The following CD99L2 variants were observed in gnomAD, a reference collection of about 807,000 sequenced individuals.
The protein encoded by CD99L2 is CD99 antigen-like protein 2.
Under a neutral mutation model 27.3 loss-of-function variants are expected in CD99L2, and 24 were observed. The ratio of observed to expected loss-of-function variants is 0.88; its 90% CI spans 0.64 to 1.24. The LOEUF (loss-of-function observed/expected upper bound fraction) is 1.24, where lower values mean the gene tolerates loss of function less well. CD99L2 is among the 50% of genes most tolerant of loss of function. The pLI, the probability that CD99L2 is intolerant of heterozygous loss-of-function variation, is 0.00. For missense variants in CD99L2, 255 were observed against 221.6 expected, an observed-to-expected ratio of 1.15 and a Z score of -0.96; for synonymous variants, 97 against 87.9, an observed-to-expected ratio of 1.10 and a Z score of -0.58.
At chrX:150,781,500 G>A (rs1354251468) in intron 7 of CD99L2, among the ~76,000 whole-genome samples, 4 of 111,520 alleles carry the variant, frequency 3.6e-5, no homozygotes, top group Admixed American at 9.5e-5. Flanking sequence ...GGTCACTGGC[G>A]GACTCTTCAG....
intron 4 of CD99L2, among the ~76,000 whole-genome samples, chrX:150,800,828 T>C (rs1459362803): frequency 9.0e-6 from 1 of 110,818 alleles, no homozygotes; most frequent in Non-Finnish European, 1.9e-5. Context: ...AGTCAGGAGT[T>C]CGAGATCAGC....
At chrX:150,866,625 G>A (rs114738003) in intron 1 of CD99L2, among the ~76,000 whole-genome samples, 2,837 of 111,581 alleles carry the variant, frequency 0.025, 101 homozygotes, top group African/African-American at 0.089. Context: ...GAAAGATTAA[G>A]TTCTACTATT....
At chrX:150,783,309 C>CTA (rs1248531462) in intron 7 of CD99L2, among the ~76,000 whole-genome samples, 3 of 110,042 alleles carry the variant, frequency 2.7e-5, no homozygotes, top group African/African-American at 6.7e-5. Context: ...ATCTCTCTCT[C>CTA]TATATATATA....
chrX:150,854,069 G>A (rs986399899), intron 1 of CD99L2, among the ~76,000 whole-genome samples: 2 of 111,108 alleles, frequency 1.8e-5, no homozygotes, highest in Non-Finnish European at 3.8e-5. Context: ...AACACCAGGT[G>A]TAATATCATC....
In CD99L2 at chrX:150,820,055, T is replaced by C. The variant is rs142096036; in HGVS notation, c.131-3977A>G. 2.5e-3 allele frequency among the ~76,000 whole-genome samples: 273 copies of C among 111,231 alleles called. 3 individuals carry two copies. Among genetic ancestry groups the C allele is most frequent in the African/African-American group, 8.0e-3 (244 of 30,622 alleles). On this transcript the variant is annotated intron_variant, in intron 2 of 10. Coordinates refer to ENST00000370377, the MANE Select transcript of CD99L2 (RefSeq NM_031462.4). The stretch of plus-strand genomic sequence containing the variant: ...AATACCGAAGTCAGACAAATACACA[T>C]AAAAACTACAGAATACAGTTATGAA...
At chrX:150,791,297 T>C (rs1455647256) in intron 7 of CD99L2, among the ~76,000 whole-genome samples, 4 of 111,978 alleles carry the variant, frequency 3.6e-5, no homozygotes, top group Non-Finnish European at 7.5e-5. Flanking sequence ...AGTAGCGATA[T>C]ACCACTAAGC....
intron 7 of CD99L2, among the ~76,000 whole-genome samples, chrX:150,787,902 A>AAAAG (rs1557419601): frequency 1.4e-5 from 1 of 70,831 alleles, no homozygotes; most frequent in East Asian, 3.3e-4. Flanking sequence ...ATATATATAT[A>AAAAG]TATATATATA....
chrX:150,771,957 G>A (rs1479633940), intron 9 of CD99L2: 1 of 672,741 alleles, frequency 1.5e-6, no homozygotes, highest in Admixed American at 2.9e-5. Context: ...CAGCAGCAGA[G>A]GCCGAGAGCA....
chrX:150,803,953 C>T (rs1246014701), intron 4 of CD99L2, among the ~76,000 whole-genome samples: 1 of 112,161 alleles, frequency 8.9e-6, no homozygotes, highest in African/African-American at 3.2e-5. Flanking sequence ...CTGTAAAAGA[C>T]CTGTTTAAGA....
At chrX:150,882,972 G>A (rs1199230004) in intron 1 of CD99L2, among the ~76,000 whole-genome samples, 3 of 111,153 alleles carry the variant, frequency 2.7e-5, no homozygotes, top group East Asian at 2.8e-4. Flanking sequence ...AGGAGTTCGA[G>A]ACCAGCCTGA....
chrX:150,818,859 T>A (rs2046204247), intron 2 of CD99L2: 2 of 373,908 alleles, frequency 5.3e-6, no homozygotes, highest in Non-Finnish European at 5.3e-6. Flanking sequence ...CAGGAAACTT[T>A]TATGCTCTGA....
At chrX:150,859,138 C>G (rs1198467269) in intron 1 of CD99L2, among the ~76,000 whole-genome samples, 1 of 111,879 alleles carries the variant, frequency 8.9e-6, no homozygotes, top group African/African-American at 3.2e-5. Flanking sequence ...CTACAACCTA[C>G]CAAGATTGAA....
intron 2 of CD99L2, among the ~76,000 whole-genome samples, chrX:150,826,630 G>T (rs1489749638): frequency 8.9e-6 from 1 of 112,088 alleles, no homozygotes. Flanking sequence ...GATAGGTAAA[G>T]GATACAATGT....
intron 2 of CD99L2, among the ~76,000 whole-genome samples, chrX:150,825,259 T>C (rs2046351913): frequency 1.8e-5 from 2 of 112,443 alleles, no homozygotes; most frequent in South Asian, 7.3e-4. Context: ...GCTTAAAATT[T>C]GCATGACTCA....
intron 4 of CD99L2, among the ~76,000 whole-genome samples, chrX:150,810,817 A>T (rs928555888): frequency 5.3e-5 from 6 of 112,197 alleles, no homozygotes; most frequent in Non-Finnish European, 9.4e-5. Context: ...AGGGAATATC[A>T]TTGACAAAAG....
intron 10 of CD99L2, among the ~76,000 whole-genome samples, chrX:150,769,393 C>G (rs1019645484): frequency 7.0e-4 from 79 of 112,899 alleles, no homozygotes; most frequent in African/African-American, 2.4e-3. Flanking sequence ...AGGGCTCAAC[C>G]TAGCACCTGC....
chrX:150,870,747 C>A (rs1337739257), intron 1 of CD99L2, among the ~76,000 whole-genome samples: 1 of 111,257 alleles, frequency 9.0e-6, no homozygotes, highest in Non-Finnish European at 1.9e-5. Flanking sequence ...CACTGTCTCA[C>A]CCCACTGCAC....
chrX:150,769,380 CAAAGG>C (rs2043373231), intron 10 of CD99L2, among the ~76,000 whole-genome samples: 3 of 112,701 alleles, frequency 2.7e-5, no homozygotes, highest in Non-Finnish European at 5.6e-5. Context: ...TTATTTTAAA[CAAAGG>C]GCTCAACCTA....
intron 2 of CD99L2, among the ~76,000 whole-genome samples, chrX:150,824,327 A>AG (rs2046306273): frequency 2.1e-5 from 2 of 95,416 alleles, no homozygotes; most frequent in African/African-American, 7.9e-5. Context: ...GAGGAGGAGG[A>AG]GAAGAAGAAG....
Sources: allele counts gnomAD v4.1 joint callset (sites outside exome capture counted in the v4.1 genomes callset), GRCh38; gene constraint gnomAD v4.1.1; transcripts MANE v1.5; gene names NCBI Gene and HGNC (gene_info 2026-07-23, HGNC 2026-07-21).